Variants in TMEM43 observed in about 807,000 individuals in gnomAD.
TMEM43 encodes the protein transmembrane protein 43, also known as arrhythmogenic right ventricular dysplasia 5.
Under a neutral mutation model 49.6 loss-of-function variants are expected in TMEM43, and 45 were observed. That is an observed-to-expected ratio of 0.91 (90% CI 0.71 to 1.16). The LOEUF is 1.16. Among genes scored for constraint, TMEM43 ranks in the 50% most tolerant of loss-of-function variants. The pLI, the probability that TMEM43 is intolerant of heterozygous loss-of-function variation, is 0.00. For synonymous variants in TMEM43, 199 were observed against 207.8 expected (o/e 0.96, Z 0.36); for missense variants, 532 against 516.6 (o/e 1.03, Z -0.29).
At position 14,133,735 on chromosome 3, in the gene TMEM43, A is replaced by G. The variant is rs1204784375; in HGVS notation, c.513-4A>G. 1.9e-6 allele frequency: 3 copies of G among 1,614,108 alleles called. No individual in the cohort carries two copies. In the South Asian group the frequency reaches 3.3e-5, roughly 18 times the overall value. On this transcript the variant is annotated splice_region_variant and splice_polypyrimidine_tract_variant and intron_variant, in intron 6 of 11. Transcript: ENST00000306077. ...CATCTCTGACAGCTTCCTCTCTCCC[A>G]CAGTGCCATGGCAGTGGAGTCATTC...
At chr3:14,135,258 A>G (rs777408022) in intron 9 of TMEM43, 26 bp downstream of exon 9, 5 of 1,595,228 alleles carry the variant, frequency 3.1e-6, no homozygotes, top group Non-Finnish European at 4.3e-6. Flanking sequence ...AGGGGCAGAC[A>G]CTAAGTCAGA....
intron 11 of TMEM43, 113 bp from the exon 12 acceptor site, chr3:14,141,480 C>T: frequency 9.8e-7 from 1 of 1,021,660 alleles, no homozygotes; most frequent in Non-Finnish European, 1.5e-6. Context: ...GATCCTCTCC[C>T]CTCCTCATGC....
rs75811344 is a variant in TMEM43 at position 14,130,594 on chromosome 3, G to A, written c.163-228G>A. Reference sequence around the variant, plus strand: ...CTGGGGCAGTGCTAAGATTGGTGGGGGCTAGTGGGAACCAATGGGGCAGTA... The same window carrying A: ...CTGGGGCAGTGCTAAGATTGGTGGGAGCTAGTGGGAACCAATGGGGCAGTA... On this transcript the variant is annotated intron_variant, in intron 2 of 11. Transcript: ENST00000306077. Among the ~76,000 whole-genome samples the A allele has an allele frequency of 1.6e-4, 24 of 152,264 alleles. No homozygotes were observed. The East Asian group carries it at 4.6e-3, about 29-fold the overall frequency.
intron 5 of TMEM43, 56 bp from the exon 6 acceptor site, chr3:14,132,810 T>G (rs1574938211): frequency 6.5e-7 from 1 of 1,547,848 alleles, no homozygotes; most frequent in Non-Finnish European, 8.9e-7. Flanking sequence ...GGCTGGTGGG[T>G]CTCAGCCGCG....
intron 7 of TMEM43, 29 bp from the exon 8 acceptor site, chr3:14,134,741 T>C (rs768642990): frequency 1.9e-6 from 3 of 1,613,892 alleles, no homozygotes. Flanking sequence ...CCTGGTCCCC[T>C]GGGTTTCTAA....
chr3:14,142,126 G>GATCT lies in TMEM43; in HGVS notation c.*332_*333insTCTA. 1 of 394,176 alleles carries GATCT rather than the reference G, an allele frequency of 2.5e-6. No homozygotes were observed. The highest frequency in any genetic ancestry group is 4.8e-6 in the Non-Finnish European group (1 of 209,506). 24.4% of individuals were successfully genotyped at this position (394,176 alleles called of 1,614,324 possible). On this transcript the variant is annotated 3_prime_UTR_variant, in exon 12 of 12. Transcript: ENST00000306077. ...CAGCCCATTGGCAGCTGACAACGCA[G>GATCT]ACACGCTCTACGGAGGCCTGCTGAT...
In TMEM43 at chr3:14,134,804, G is replaced by A; in HGVS notation, c.618G>A (p.Leu206=). 6.2e-7 allele frequency: 1 copy of A among 1,614,174 alleles called. No homozygotes were observed. Among genetic ancestry groups the A allele is most frequent in the East Asian group, 2.2e-5 (1 of 44,872 alleles). ...ACAAAGTCGACAACTTCAAGTCCCT[G>A]AGCCTATCCAAGCTGGAGGACCCTC... ...LIDKVDNFKS[L]SLSKLEDPHV... is the part of the protein sequence containing the mutation. The change falls in exon 8 of 12, where the codon CTG becomes CTA. Residue 206 remains leucine (L), a synonymous_variant. Coordinates refer to ENST00000306077, the MANE Select transcript of TMEM43 (RefSeq NM_024334.3).
rs530146220 is a variant in TMEM43 at position 14,132,264 on chromosome 3, G to A, written c.393-282G>A. On this transcript the variant is annotated intron_variant, in intron 4 of 11. Transcript: ENST00000306077. ...GAGCAGAGGATGCAGCCAGATCTCT[G>A]AGCCCAAAGGGCAGGGCTGGGCCCC... 2.7e-3 allele frequency among the ~76,000 whole-genome samples: 413 copies of A among 152,326 alleles called. 1 individual carries two copies. The highest frequency in any genetic ancestry group is 9.6e-3 in the African/African-American group (401 of 41,574).
intron 1 of TMEM43, among the ~76,000 whole-genome samples, chr3:14,127,986 A>T (rs1233857116): frequency 1.3e-5 from 2 of 152,094 alleles, no homozygotes; most frequent in Non-Finnish European, 2.9e-5. Flanking sequence ...GTTGTAGGGA[A>T]ATCTGGTAAC....
chr3:14,130,081 C>T (rs535479478), intron 2 of TMEM43, among the ~76,000 whole-genome samples: 2 of 129,386 alleles, frequency 1.5e-5, no homozygotes, highest in South Asian at 5.5e-4. Flanking sequence ...TTCTCTCTTT[C>T]TTGTTTGTTT....
intron 10 of TMEM43, among the ~76,000 whole-genome samples, chr3:14,136,533 C>A (rs528475057): frequency 2.6e-5 from 4 of 152,180 alleles, no homozygotes; most frequent in African/African-American, 4.8e-5. Context: ...CTGCAGTGAT[C>A]AAGCAGGGCC....
Position 14,139,256 on chromosome 3 carries a change from T to G in TMEM43, c.959T>G (p.Phe320Cys), listed in dbSNP as rs886787374. 9 of 1,614,182 alleles carry G rather than the reference T, an allele frequency of 5.6e-6. No individual in the cohort carries two copies. The highest frequency in any genetic ancestry group is 3.3e-5 in the Admixed American group (2 of 60,032). Residue 320 changes from phenylalanine (F) to cysteine (C), a missense_variant, in exon 11 of 12, where the codon TTC becomes TGC. Coordinates refer to ENST00000306077, the MANE Select transcript of TMEM43 (RefSeq NM_024334.3). ...CGGGCAGCTGGCTGGATGGCCATGT[T>G]CATGGGCCTCAACCTTATGACACGG... Reference protein sequence around the residue: ...GLRAAGWMAMFMGLNLMTRIL... With the variant: ...GLRAAGWMAMCMGLNLMTRIL...
intron 11 of TMEM43, among the ~76,000 whole-genome samples, 193 bp from the exon 12 acceptor site, chr3:14,141,400 A>G (rs890967442): frequency 1.3e-5 from 2 of 152,206 alleles, no homozygotes; most frequent in African/African-American, 2.4e-5. Flanking sequence ...GTGCCCAACC[A>G]CGCAGCTCAT....
chr3:14,131,094 T>C lies in TMEM43; in HGVS notation c.297+138T>C, dbSNP rs537549866. ...TCCCGACTTTACCACTCAGCAGCTG[T>C]GTGGACTTGTCTATCCTGAGTCTCA... On this transcript the variant is annotated intron_variant, in intron 3 of 11. Transcript: ENST00000306077. 11 of 1,078,472 alleles carry C rather than the reference T, an allele frequency of 1.0e-5. No homozygotes were observed. The Admixed American group carries it at 2.3e-4, about 22-fold the overall frequency. The allele number at this position is 1,078,472 out of a possible 1,614,324, so 66.8% of individuals were successfully genotyped here. A position where few individuals can be genotyped will look rare whatever the true frequency, so the allele number is the denominator to read the frequency against.
At chr3:14,133,859 C>A (rs1387889521) in intron 7 of TMEM43, 50 bp downstream of exon 7, 1 of 1,548,876 alleles carries the variant, frequency 6.5e-7, no homozygotes. Flanking sequence ...CACAAGGCCC[C>A]CCTAGGGCCG....
In TMEM43 at chr3:14,141,848, C is replaced by T; in HGVS notation, c.*53C>T. The T allele has an allele frequency of 1.3e-6, 2 of 1,548,244 alleles. No homozygotes were observed. Among genetic ancestry groups the T allele is most frequent in the South Asian group, 1.2e-5 (1 of 86,706 alleles). ...GCGTGAGCCCTAGGATCCAGGTCCTCTCTCACCTCTGACCCAGCTCCATGC... is the reference window on the plus strand; with the variant it reads ...GCGTGAGCCCTAGGATCCAGGTCCTTTCTCACCTCTGACCCAGCTCCATGC... On this transcript the variant is annotated 3_prime_UTR_variant, in exon 12 of 12. Coordinates refer to ENST00000306077, the MANE Select transcript of TMEM43 (RefSeq NM_024334.3).
intron 2 of TMEM43, among the ~76,000 whole-genome samples, chr3:14,130,245 G>A (rs1055336479): frequency 3.9e-5 from 6 of 151,912 alleles, no homozygotes; most frequent in African/African-American, 1.2e-4. Flanking sequence ...ATCAGTCTCC[G>A]TGTCCAGGGC....
At chr3:14,141,359 G>A (rs1422217701) in intron 11 of TMEM43, among the ~76,000 whole-genome samples, 2 of 152,198 alleles carry the variant, frequency 1.3e-5, no homozygotes, top group African/African-American at 2.4e-5. Context: ...CCTCTCCCCT[G>A]GATCAGGGTA....
chr3:14,128,568 A>G (rs1299978090), intron 1 of TMEM43, among the ~76,000 whole-genome samples: 1 of 152,158 alleles, frequency 6.6e-6, no homozygotes, highest in Non-Finnish European at 1.5e-5. Context: ...GTGACCTTCT[A>G]GTATTGTTTA....
Sources: allele counts gnomAD v4.1 joint callset (sites outside exome capture counted in the v4.1 genomes callset), GRCh38; gene constraint gnomAD v4.1.1; transcripts MANE v1.5; gene names NCBI Gene and HGNC (gene_info 2026-07-23, HGNC 2026-07-21).